The following NAA16 variants were observed in gnomAD, a reference collection of about 807,000 sequenced individuals.
NAA16 encodes the protein N-alpha-acetyltransferase 16, NatA auxiliary subunit.
In NAA16, 97 loss-of-function variants were observed where a neutral mutation model predicts 110.3. The observed-to-expected ratio is 0.88, with a 90% confidence interval of 0.75 to 1.04. The LOEUF (loss-of-function observed/expected upper bound fraction) is 1.04, where lower values mean the gene tolerates loss of function less well. Ranked by LOEUF, NAA16 falls within the 50% of genes least tolerant of loss-of-function variation. NAA16 has a pLI of 0.00. For missense variants in NAA16, 1,017 were observed against 1,005.1 expected (o/e 1.01, Z -0.16); for synonymous variants, 372 against 330.6 (o/e 1.13, Z -1.36).
In NAA16 at chr13:41,340,647, G is replaced by GTTTTTTTTTTTTTTTTTTTT. The variant is rs754237653; in HGVS notation, c.1014+3916_1014+3935dup. 4.6e-5 allele frequency among the ~76,000 whole-genome samples: 2 copies of GTTTTTTTTTTTTTTTTTTTT among 43,538 alleles called. 1 individual carries two copies. Among genetic ancestry groups the GTTTTTTTTTTTTTTTTTTTT allele is most frequent in the Non-Finnish European group, 9.0e-5 (2 of 22,282 alleles). The allele number at this position is 43,538 out of a possible 152,430, so 28.6% of individuals were successfully genotyped here. A position where few individuals can be genotyped will look rare whatever the true frequency, so the allele number is the denominator to read the frequency against. On this transcript the variant is annotated intron_variant, in intron 9 of 19. Transcript: ENST00000379406. ...CATATAGTTGTGCGGTTTTGAGTGA[G>GTTTTTTTTTTTTTTTTTTTT]TTTTTTTTTTTTTTTTTTTTTTTTT...
chr13:41,354,622 T>C (rs977914630), intron 9 of NAA16: 1 of 152,270 alleles, frequency 6.6e-6, no homozygotes, highest in Non-Finnish European at 1.5e-5. Flanking sequence ...AATCTCTTAC[T>C]GTTCCAATTT....
chr13:41,331,013 T>C (rs1345693068), intron 7 of NAA16, among the ~76,000 whole-genome samples: 1 of 152,082 alleles, frequency 6.6e-6, no homozygotes. Context: ...TGATGGCTTG[T>C]ATATGTGATT....
intron 9 of NAA16, among the ~76,000 whole-genome samples, chr13:41,343,776 G>A (rs1271332825): frequency 1.3e-5 from 2 of 151,886 alleles, no homozygotes; most frequent in African/African-American, 4.8e-5. Context: ...CCTGAGCTCA[G>A]GCAGTCTGCC....
intron 9 of NAA16, among the ~76,000 whole-genome samples, chr13:41,339,126 GTTGTTGT>G (rs1488698678): frequency 6.8e-6 from 1 of 147,794 alleles, no homozygotes; most frequent in Non-Finnish European, 1.5e-5. Flanking sequence ...TGTTTTTGTT[GTTGTTGT>G]TTGTTTGTTT....
chr13:41,355,243 A>G (rs1334220362), intron 10 of NAA16, 27 bp downstream of exon 10: 11 of 1,331,776 alleles, frequency 8.3e-6, no homozygotes, highest in East Asian at 2.3e-5. Context: ...TTGAATTGGA[A>G]TTTGATTACT....
At chr13:41,359,135 G>A (rs1174332328) in intron 12 of NAA16, among the ~76,000 whole-genome samples, 173 bp downstream of exon 12, 1 of 152,074 alleles carries the variant, frequency 6.6e-6, no homozygotes, top group Non-Finnish European at 1.5e-5. Context: ...TTCTTACTGT[G>A]GTTGTGTATC....
At chr13:41,365,097 C>A (rs2043184449) in intron 13 of NAA16, among the ~76,000 whole-genome samples, 1 of 152,130 alleles carries the variant, frequency 6.6e-6, no homozygotes, top group Non-Finnish European at 1.5e-5. Context: ...CTGCAGTGAG[C>A]TAAGTGATTT....
At chr13:41,333,402 A>G (rs1270281359) in intron 8 of NAA16, among the ~76,000 whole-genome samples, 1 of 152,118 alleles carries the variant, frequency 6.6e-6, no homozygotes, top group Non-Finnish European at 1.5e-5. Context: ...CCAAAAAGAA[A>G]CCCCATACCT....
At position 41,354,087 on chromosome 13, in the gene NAA16, C is replaced by T. The variant is rs1027069170; in HGVS notation, c.1015-1057C>T. Among the ~76,000 whole-genome samples, 6 of 152,180 alleles carry T rather than the reference C, an allele frequency of 3.9e-5. No individual in the cohort carries two copies. In the South Asian group the frequency reaches 1.2e-3, roughly 32 times the overall value. ...CACATTCTGCTTTTTCTCTTATTTA[C>T]ACATGTTCCTTACTGTTAATGTATA... On this transcript the variant is annotated intron_variant, in intron 9 of 19. Transcript: ENST00000379406.
In NAA16 at chr13:41,358,790, C is replaced by A. The variant is rs773500968; in HGVS notation, c.1258-20C>A. Reference sequence around the variant, plus strand: ...ATTCTCTTGATTATAAATTGTGGTTCCTTTAATTATCTTTTATAGCATATA... The same window carrying A: ...ATTCTCTTGATTATAAATTGTGGTTACTTTAATTATCTTTTATAGCATATA... On this transcript the variant is annotated intron_variant, in intron 11 of 19. Coordinates refer to ENST00000379406, the MANE Select transcript of NAA16 (RefSeq NM_024561.5). 30 of 1,543,268 alleles carry A rather than the reference C, an allele frequency of 1.9e-5. No individual in the cohort carries two copies. In the Admixed American group the frequency reaches 6.2e-4, roughly 32 times the overall value.
chr13:41,325,683 G>T lies in NAA16; in HGVS notation c.538-15G>T. 1 of 1,519,202 alleles carries T rather than the reference G, an allele frequency of 6.6e-7. No individual in the cohort carries two copies. Among genetic ancestry groups the T allele is most frequent in the Non-Finnish European group, 9.0e-7 (1 of 1,115,536 alleles). The allele number at this position is 1,519,202 out of a possible 1,614,324, so 94.1% of individuals were successfully genotyped here. A position where few individuals can be genotyped will look rare whatever the true frequency, so the allele number is the denominator to read the frequency against. On this transcript the variant is annotated splice_polypyrimidine_tract_variant and intron_variant, in intron 5 of 19. Coordinates refer to ENST00000379406, the MANE Select transcript of NAA16 (RefSeq NM_024561.5). ...ATAATTATACAAATAAAGTAATTTG[G>T]TCATTTTTTTTCAGGTTCCTCCAAA...
rs555117869 is a variant in NAA16 at position 41,376,974 on chromosome 13, C to G, written c.*1372C>G. ...CATACTTATTGAGACGGGAAAAACT[C>G]GCTGTAAAATAATGCCAACCTAGAT... On this transcript the variant is annotated 3_prime_UTR_variant, in exon 20 of 20. Transcript: ENST00000379406. The G allele has an allele frequency of 6.6e-6, 1 of 152,122 alleles. No individual in the cohort carries two copies. Among genetic ancestry groups the G allele is most frequent in the African/African-American group, 2.4e-5 (1 of 41,418 alleles). The allele number at this position is 152,122 out of a possible 1,614,324, so 9.4% of individuals were successfully genotyped here. A position where few individuals can be genotyped will look rare whatever the true frequency, so the allele number is the denominator to read the frequency against.
At position 41,311,427 on chromosome 13, in the gene NAA16, C is replaced by A; in HGVS notation, c.-102C>A. The A allele has an allele frequency of 8.7e-7, 1 of 1,154,480 alleles. No individual in the cohort carries two copies. Among genetic ancestry groups the A allele is most frequent in the Non-Finnish European group, 1.3e-6 (1 of 797,794 alleles). The allele number at this position is 1,154,480 out of a possible 1,614,324, so 71.5% of individuals were successfully genotyped here. A position where few individuals can be genotyped will look rare whatever the true frequency, so the allele number is the denominator to read the frequency against. ...CAATGAACTAATCCATCGCCCGCAG[C>A]CCGACTCTCAGCAGCGGTTCGTCCC... On this transcript the variant is annotated 5_prime_UTR_variant, in exon 1 of 20. Transcript: ENST00000379406.
chr13:41,340,854 A>G (rs551421157), intron 9 of NAA16, among the ~76,000 whole-genome samples: 5 of 149,988 alleles, frequency 3.3e-5, no homozygotes, highest in African/African-American at 1.2e-4. Flanking sequence ...TTTTTTTTGT[A>G]TTTTTTAGTA....
chr13:41,325,369 T>C (rs1052056556), intron 5 of NAA16, among the ~76,000 whole-genome samples: 4 of 152,294 alleles, frequency 2.6e-5, no homozygotes, highest in African/African-American at 7.2e-5. Flanking sequence ...TTTGTCTTCA[T>C]TGATATTTTA....
chr13:41,361,100 T>C (rs191368453), intron 12 of NAA16, among the ~76,000 whole-genome samples: 12 of 152,342 alleles, frequency 7.9e-5, no homozygotes, highest in Admixed American at 2.0e-4. Context: ...ATATAAAATA[T>C]ATTTTAAATG....
At chr13:41,362,474 C>A in intron 13 of NAA16, 2 of 349,250 alleles carry the variant, frequency 5.7e-6, no homozygotes, top group South Asian at 4.9e-5. Context: ...CATCACCACC[C>A]TAAGAGGACA....
chr13:41,316,024 C>A (rs1405840402), intron 1 of NAA16, among the ~76,000 whole-genome samples: 5 of 152,178 alleles, frequency 3.3e-5, no homozygotes, highest in Non-Finnish European at 7.3e-5. Flanking sequence ...CTCGCCTTGG[C>A]CTCCCAAAGC....
intron 2 of NAA16, among the ~76,000 whole-genome samples, chr13:41,317,257 A>T (rs1456805765): frequency 1.3e-5 from 2 of 152,166 alleles, no homozygotes; most frequent in African/African-American, 4.8e-5. Context: ...TCCTGTGTGT[A>T]AAATTAGGAC....
Sources: gnomAD v4.1 joint callset for allele counts (sites outside exome capture counted in the v4.1 genomes callset) on GRCh38, gnomAD v4.1.1 for gene constraint, MANE v1.5 for transcripts, NCBI Gene and HGNC (gene_info 2026-07-23, HGNC 2026-07-21) for gene names.